The following EDC4 variants were observed in gnomAD, a reference collection of about 807,000 sequenced individuals.
EDC4 encodes enhancer of mRNA decapping 4.
EDC4 carries 64 observed loss-of-function variants against 155.8 expected under a neutral mutation model. That is an observed-to-expected ratio of 0.41 (90% CI 0.34 to 0.51). The LOEUF is 0.51. Ranked by LOEUF, EDC4 falls within the 20% of genes least tolerant of loss-of-function variation. The probability of loss-of-function intolerance (pLI) is 0.19; values close to 1 mark genes in which losing one functional copy is unlikely to be tolerated. For synonymous variants in EDC4, 684 were observed against 716.8 expected (o/e 0.95, Z 0.73); for missense variants, 1,303 against 1,812.5 (o/e 0.72, Z 5.10).
At position 67,876,481 on chromosome 16, in the gene EDC4, C is replaced by T. The variant is rs866262400; in HGVS notation, c.240-7C>T. The T allele has an allele frequency of 1.2e-6, 2 of 1,613,564 alleles. No homozygotes were observed. The highest frequency in any genetic ancestry group is 2.2e-5 in the South Asian group (2 of 91,040). On this transcript the variant is annotated splice_region_variant and splice_polypyrimidine_tract_variant and intron_variant, in intron 2 of 28. Coordinates refer to ENST00000358933, the MANE Select transcript of EDC4 (RefSeq NM_014329.5). This position sits in a 1 kb window ranked among gnomAD's most constrained non-coding sequence, Gnocchi z 5.8. ...AAGAGGCAAAGTTTTTGCACTCTTCCCCACAGCTGTCTCTCAGGAGATGAT... is the reference window on the plus strand; with the variant it reads ...AAGAGGCAAAGTTTTTGCACTCTTCTCCACAGCTGTCTCTCAGGAGATGAT...
At position 67,879,624 on chromosome 16, in the gene EDC4, C is replaced by A. The variant is rs2058056221; in HGVS notation, c.1671C>A (p.Gly557=). The change falls in exon 15 of 29, where the codon GGC becomes GGA. Residue 557 remains glycine, a synonymous_variant. Coordinates refer to ENST00000358933, the MANE Select transcript of EDC4 (RefSeq NM_014329.5). This position sits in a 1 kb window ranked among gnomAD's most constrained non-coding sequence, Gnocchi z 6.0. ...GESRPELGSE[G]LGSAAHGSQP... ...CTCGGCCCGAACTGGGCTCTGAGGG[C>A]CTGGGGTCAGCCGCTCACGGCTCCC... 1.2e-6 allele frequency: 2 copies of A among 1,614,108 alleles called. No individual in the cohort carries two copies. Among genetic ancestry groups the A allele is most frequent in the South Asian group, 1.1e-5 (1 of 91,084 alleles).
In EDC4 at chr16:67,880,864, G is replaced by A; in HGVS notation, c.2405G>A (p.Gly802Glu). ...QLGLDGGPGD[G>E]DRHNTPSLLE... ...GGGCTTGATGGAGGCCCTGGGGATG[G>A]AGATCGGCATAATACCCCCTCCCTC... The change falls in exon 18 of 29, where the codon GGA becomes GAA. Residue 802 changes from glycine (G) to glutamate (E), a missense_variant. By Grantham distance (98) the Gly-to-Glu change is moderately conservative (BLOSUM62 -2). Transcript: ENST00000358933. The surrounding 1 kb of genome is among the most constrained non-coding windows in gnomAD (Gnocchi z 5.2). 1 of 1,613,990 alleles carries A rather than the reference G, an allele frequency of 6.2e-7. No individual in the cohort carries two copies. The highest frequency in any genetic ancestry group is 8.5e-7 in the Non-Finnish European group (1 of 1,180,008).
At position 67,879,308 on chromosome 16, in the gene EDC4, AAGTG is replaced by A; in HGVS notation, c.1541+8_1541+11del. The A allele has an allele frequency of 3.1e-6, 5 of 1,614,034 alleles. No homozygotes were observed. The African/African-American group carries it at 5.3e-5, about 17-fold the overall frequency. ...CATCAAGCTCTTTTGTGTGCATACT[AAGTG>A]AGTGAGTGGGGAGGCCCGCCAGTGT... On this transcript the variant is annotated splice_donor_variant and splice_donor_region_variant and coding_sequence_variant and intron_variant, in exon 13 of 29. Transcript: ENST00000358933. LOFTEE classifies it high-confidence loss of function. This position sits in a 1 kb window ranked among gnomAD's most constrained non-coding sequence, Gnocchi z 6.0.
In EDC4 at chr16:67,883,114, G is replaced by T; in HGVS notation, c.3786G>T (p.Gln1262His). 6.2e-7 allele frequency: 1 copy of T among 1,609,912 alleles called. No individual in the cohort carries two copies. Among genetic ancestry groups the T allele is most frequent in the Non-Finnish European group, 8.5e-7 (1 of 1,178,830 alleles). Residue 1262 changes from glutamine to histidine, a missense_variant, in exon 27 of 29, where the codon CAG becomes CAT. Coordinates refer to ENST00000358933, the MANE Select transcript of EDC4 (RefSeq NM_014329.5). The surrounding 1 kb of genome is among the most constrained non-coding windows in gnomAD (Gnocchi z 5.3). Reference sequence around the variant, plus strand: ...TCCCCTCTGCCCACCTTGACTGCCAGGCCCAGCAAGCCCATATCCTGCAGC... The same window carrying T: ...TCCCCTCTGCCCACCTTGACTGCCATGCCCAGCAAGCCCATATCCTGCAGC... ...TPVPSAHLDC[Q>H]AQQAHILQLL...
chr16:67,882,004 C>T lies in EDC4; in HGVS notation c.3055C>T (p.Leu1019=), dbSNP rs758770550. Residue 1019 remains leucine, a synonymous_variant, in exon 23 of 29, where the codon CTG becomes TTG. Coordinates refer to ENST00000358933, the MANE Select transcript of EDC4 (RefSeq NM_014329.5). The surrounding 1 kb of genome is among the most constrained non-coding windows in gnomAD (Gnocchi z 7.2). The part of the protein sequence containing the change: ...LAEGQQRGGQ[L]QEQLTQQLSQ... ...TGAGGGGCAGCAGCGGGGAGGGCAG[C>T]TGCAGGAGCAGCTGACACAACAGTT... 19 of 1,611,406 alleles carry T rather than the reference C, an allele frequency of 1.2e-5. No individual in the cohort carries two copies. In the South Asian group the frequency reaches 2.1e-4, roughly 18 times the overall value.
chr16:67,876,429 C>G lies in EDC4; in HGVS notation c.240-59C>G, dbSNP rs2058041852. 1.3e-6 allele frequency: 2 copies of G among 1,595,442 alleles called. No individual in the cohort carries two copies. The highest frequency in any genetic ancestry group is 1.7e-6 in the Non-Finnish European group (2 of 1,169,360). On this transcript the variant is annotated intron_variant, in intron 2 of 28. Transcript: ENST00000358933. This position sits in a 1 kb window ranked among gnomAD's most constrained non-coding sequence, Gnocchi z 5.8. ...TGGCTATGTCCTCGCTTCCTCCCAA[C>G]CCTGCCCGCTGAGCCTTTGGGTGAA...
In EDC4 at chr16:67,880,089, C is replaced by G; in HGVS notation, c.1970C>G (p.Pro657Arg). The change falls in exon 17 of 29, where the codon CCC (proline) becomes CGC (arginine). Residue 657 changes from proline to arginine, a missense_variant. Around this residue, in one of 5 missense-constraint regions of EDC4, gnomAD observed 391 missense variants for 445.4 expected, o/e 0.88. Coordinates refer to ENST00000358933, the MANE Select transcript of EDC4 (RefSeq NM_014329.5). This position sits in a 1 kb window ranked among gnomAD's most constrained non-coding sequence, Gnocchi z 5.2. Reference sequence around the variant, plus strand: ...CCACCTGAGGAGCTGACCTTGAGCCCCAAGCTGCAGCTGGATGGCAGCCTG... The same window carrying G: ...CCACCTGAGGAGCTGACCTTGAGCCGCAAGCTGCAGCTGGATGGCAGCCTG... ...TRPPEELTLS[P>R]KLQLDGSLTM... is the part of the protein sequence containing the mutation. 6.2e-7 allele frequency: 1 copy of G among 1,610,432 alleles called. No homozygotes were observed. The highest frequency in any genetic ancestry group is 8.5e-7 in the Non-Finnish European group (1 of 1,177,844).
chr16:67,879,220 C>G lies in EDC4; in HGVS notation c.1469-17C>G. Reference sequence around the variant, plus strand: ...CAGAGAGGGCCAGGGGCTTCATCATCCACACTGTCCTTTCAGATGGTACCC... The same window carrying G: ...CAGAGAGGGCCAGGGGCTTCATCATGCACACTGTCCTTTCAGATGGTACCC... On this transcript the variant is annotated splice_polypyrimidine_tract_variant and intron_variant, in intron 12 of 28. Transcript: ENST00000358933. This position sits in a 1 kb window ranked among gnomAD's most constrained non-coding sequence, Gnocchi z 6.0. 6.2e-7 allele frequency: 1 copy of G among 1,614,184 alleles called. No individual in the cohort carries two copies. The highest frequency in any genetic ancestry group is 8.5e-7 in the Non-Finnish European group (1 of 1,180,034).
At position 67,882,910 on chromosome 16, in the gene EDC4, C is replaced by T; in HGVS notation, c.3629+45C>T. On this transcript the variant is annotated intron_variant, in intron 26 of 28. Transcript: ENST00000358933. This position sits in a 1 kb window ranked among gnomAD's most constrained non-coding sequence, Gnocchi z 7.2. ...GGCAAGGTGGTGGGCTTGAGAAAGGCCAGACTAGGCTCCCTGTCCACTTCA... is the reference window on the plus strand; with the variant it reads ...GGCAAGGTGGTGGGCTTGAGAAAGGTCAGACTAGGCTCCCTGTCCACTTCA... The T allele has an allele frequency of 6.2e-7, 1 of 1,614,026 alleles. No individual in the cohort carries two copies. Among genetic ancestry groups the T allele is most frequent in the South Asian group, 1.1e-5 (1 of 91,080 alleles).
chr16:67,874,505 C>T (rs1233042255), intron 1 of EDC4, among the ~76,000 whole-genome samples: 1 of 152,214 alleles, frequency 6.6e-6, no homozygotes, highest in Non-Finnish European at 1.5e-5. Context: ...TGGACCTCTC[C>T]TGCTGCTCAG....
rs2058040697 is a variant in EDC4, at chr16:67,876,215, A to G, written c.239+114A>G. On this transcript the variant is annotated intron_variant, in intron 2 of 28. Coordinates refer to ENST00000358933, the MANE Select transcript of EDC4 (RefSeq NM_014329.5). The surrounding 1 kb of genome is among the most constrained non-coding windows in gnomAD (Gnocchi z 5.8). The stretch of plus-strand genomic sequence containing the variant: ...GCAGCCTCTGCTGCTTCCTCTCTAG[A>G]TGACCTGGGGTGGAGCTTGAGCTTG... 1 of 1,259,936 alleles carries G rather than the reference A, an allele frequency of 7.9e-7. No individual in the cohort carries two copies. The highest frequency in any genetic ancestry group is 1.4e-5 in the South Asian group (1 of 72,756). 78.0% of individuals were successfully genotyped at this position (1,259,936 alleles called of 1,614,324 possible).
In EDC4 at chr16:67,878,337, GC is replaced by G. The variant is rs1567389851; in HGVS notation, c.1005-19del. The G allele has an allele frequency of 3.1e-6, 5 of 1,614,202 alleles. No individual in the cohort carries two copies. Among genetic ancestry groups the G allele is most frequent in the Non-Finnish European group, 4.2e-6 (5 of 1,180,052 alleles). ...GTAGCCCACCCGACCACTCACTCAG[GC>G]CCCTCATCTGCCTACCTGCAGGTGT... is the stretch of plus-strand genomic sequence containing the variant. On this transcript the variant is annotated intron_variant, in intron 8 of 28. Coordinates refer to ENST00000358933, the MANE Select transcript of EDC4 (RefSeq NM_014329.5). This position sits in a 1 kb window ranked among gnomAD's most constrained non-coding sequence, Gnocchi z 5.2.
In EDC4 at chr16:67,882,052, G is replaced by A. The variant is rs1488152495; in HGVS notation, c.3103G>A (p.Val1035Ile). Residue 1035 changes from valine (V) to isoleucine (I), a missense_variant, in exon 23 of 29, where the codon GTA becomes ATA. Coordinates refer to ENST00000358933, the MANE Select transcript of EDC4 (RefSeq NM_014329.5). The surrounding 1 kb of genome is among the most constrained non-coding windows in gnomAD (Gnocchi z 7.2). ...GTTGTCCCAAGCACTGTCGTCAGCT[G>A]TAGCTGGGCGGCTAGAGCGCAGCAT... Reference protein sequence around the residue: ...QQLSQALSSAVAGRLERSIRD... With the variant: ...QQLSQALSSAIAGRLERSIRD... The A allele has an allele frequency of 6.2e-7, 1 of 1,613,092 alleles. No individual in the cohort carries two copies. Among genetic ancestry groups the A allele is most frequent in the East Asian group, 2.2e-5 (1 of 44,880 alleles).
Position 67,881,797 on chromosome 16 carries a change from G to A in EDC4, c.2956G>A (p.Val986Ile), listed in dbSNP as rs757064576. The stretch of plus-strand genomic sequence containing the variant: ...CCAACTCGAAGGCCTGCAGAGCACA[G>A]TCACAGGCCACGTAGAACGTGCCCT... ...CTQLEGLQST[V>I]TGHVERALET... is the part of the protein sequence containing the mutation. The change falls in exon 22 of 29, where the codon GTC becomes ATC. Residue 986 changes from valine to isoleucine, a missense_variant. This residue lies in a region of EDC4 where 527 missense variants were observed against 757.0 expected (regional missense o/e 0.70). Coordinates refer to ENST00000358933, the MANE Select transcript of EDC4 (RefSeq NM_014329.5). This position sits in a 1 kb window ranked among gnomAD's most constrained non-coding sequence, Gnocchi z 5.4. 6 of 1,614,116 alleles carry A rather than the reference G, an allele frequency of 3.7e-6. No homozygotes were observed. Among genetic ancestry groups the A allele is most frequent in the Non-Finnish European group, 4.2e-6 (5 of 1,179,954 alleles).
rs1208454294 is a variant in EDC4 at position 67,876,041 on chromosome 16, C to T, written c.179C>T (p.Ser60Leu). The T allele has an allele frequency of 1.9e-6, 3 of 1,614,200 alleles. No individual in the cohort carries two copies. The highest frequency in any genetic ancestry group is 2.5e-6 in the Non-Finnish European group (3 of 1,180,040). ...PDPLCSGDST[S>L]ANKTGLRTMP... is the part of the protein sequence containing the mutation. ...CCGCTCTGCTCAGGTGATAGTACCT[C>T]AGCAAACAAGACTGGTCTTCGGACC... Residue 60 changes from serine (S) to leucine (L), a missense_variant, in exon 2 of 29, where the codon TCA becomes TTA. Around this residue, in one of 5 missense-constraint regions of EDC4, gnomAD observed 99 missense variants for 121.3 expected, o/e 0.82. Coordinates refer to ENST00000358933, the MANE Select transcript of EDC4 (RefSeq NM_014329.5). The surrounding 1 kb of genome is among the most constrained non-coding windows in gnomAD (Gnocchi z 5.8).
Position 67,877,914 on chromosome 16 carries a change from C to G in EDC4, c.894+69C>G. 1.9e-6 allele frequency: 3 copies of G among 1,587,450 alleles called. No homozygotes were observed. Among genetic ancestry groups the G allele is most frequent in the South Asian group, 2.3e-5 (2 of 88,696 alleles). ...CATATCCATCTTCTGTTCCCTATAT[C>G]CACAGCTGCCCGGGCAGCTTTACTA... On this transcript the variant is annotated intron_variant, in intron 7 of 28. Transcript: ENST00000358933. This position sits in a 1 kb window ranked among gnomAD's most constrained non-coding sequence, Gnocchi z 4.9.
Position 67,881,010 on chromosome 16 carries a change from A to AAAAGTGT in EDC4, c.2531+21_2531+27dup, listed in dbSNP as rs1460158364. 1.9e-6 allele frequency: 3 copies of AAAAGTGT among 1,613,154 alleles called. No homozygotes were observed. In the African/African-American group the frequency reaches 4.0e-5, roughly 22 times the overall value. On this transcript the variant is annotated intron_variant, in intron 18 of 28. Transcript: ENST00000358933. This position sits in a 1 kb window ranked among gnomAD's most constrained non-coding sequence, Gnocchi z 5.4. ...AGAAAGGTGAGGAGCTTGGGAGGGG[A>AAAAGTGT]AAAGTGTGCTAGCAGGAGGGGCTTC...
rs765644189 is a variant in EDC4 at position 67,878,455 on chromosome 16, G to T, written c.1088+12G>T. The T allele has an allele frequency of 1.7e-5, 28 of 1,614,108 alleles. No homozygotes were observed. Among genetic ancestry groups the T allele is most frequent in the Middle Eastern group, 1.6e-4 (1 of 6,084 alleles). On this transcript the variant is annotated intron_variant, in intron 9 of 28. Coordinates refer to ENST00000358933, the MANE Select transcript of EDC4 (RefSeq NM_014329.5). This position sits in a 1 kb window ranked among gnomAD's most constrained non-coding sequence, Gnocchi z 5.2. ...AAACAAGACCCTGAGTGAGTGAGTG[G>T]GCAGCCTAGTGGGTGGTGGGCTGGA... is the stretch of plus-strand genomic sequence containing the variant.
rs1459951970 is a variant in EDC4, at chr16:67,877,870, C to T, written c.894+25C>T. On this transcript the variant is annotated intron_variant, in intron 7 of 28. Coordinates refer to ENST00000358933, the MANE Select transcript of EDC4 (RefSeq NM_014329.5). The surrounding 1 kb of genome is among the most constrained non-coding windows in gnomAD (Gnocchi z 4.9). Reference sequence around the variant, plus strand: ...GGTAAGCCTGTGACTGCCTGCCTCCCCTGCCCTCCCCACTTCCTCATATCC... The same window carrying T: ...GGTAAGCCTGTGACTGCCTGCCTCCTCTGCCCTCCCCACTTCCTCATATCC... The T allele has an allele frequency of 6.2e-7, 1 of 1,613,004 alleles. No homozygotes were observed. The highest frequency in any genetic ancestry group is 8.5e-7 in the Non-Finnish European group (1 of 1,179,716).
Sources: gnomAD v4.1 joint callset for allele counts (sites outside exome capture counted in the v4.1 genomes callset) on GRCh38, gnomAD v4.1.1 for gene constraint, gnomAD v4.1.1 regional missense constraint, Gnocchi (gnomAD v3.1) non-coding constraint, MANE v1.5 for transcripts, NCBI Gene and HGNC (gene_info 2026-07-23, HGNC 2026-07-21) for gene names.